The following ASAP3 variants were observed in gnomAD, a reference collection of about 807,000 sequenced individuals.
ASAP3 encodes arf-GAP with SH3 domain, ANK repeat and PH domain-containing protein 3.
A neutral mutation model predicts 118.2 loss-of-function variants in ASAP3; 85 were observed. That is an observed-to-expected ratio of 0.72 (90% confidence interval 0.60 to 0.86). The LOEUF (loss-of-function observed/expected upper bound fraction) is 0.86. ASAP3 is among the 40% of genes least tolerant of loss of function. ASAP3 has a pLI of 0.00. For synonymous variants in ASAP3, 432 were observed against 477.4 expected, an observed-to-expected ratio of 0.90 and a Z score of 1.24; for missense variants, 1,026 against 1,175.0, an observed-to-expected ratio of 0.87 and a Z score of 1.85.
intron 9 of ASAP3, 22 bp from the exon 10 acceptor site, chr1:23,441,233 G>A: frequency 6.2e-7 from 1 of 1,613,672 alleles, no homozygotes; most frequent in Non-Finnish European, 8.5e-7. Flanking sequence ...ACATGCAAAG[G>A]AGACCTCAGG....
intron 5 of ASAP3, among the ~76,000 whole-genome samples, chr1:23,448,294 C>T (rs1233686227): frequency 1.3e-5 from 2 of 152,186 alleles, no homozygotes; most frequent in Admixed American, 6.5e-5. Flanking sequence ...CCTTGAGCCA[C>T]GCTTAGGTGG....
intron 9 of ASAP3, 49 bp downstream of exon 9, chr1:23,441,338 G>C (rs542605560): frequency 6.2e-7 from 1 of 1,608,982 alleles, no homozygotes; most frequent in Admixed American, 1.7e-5. Context: ...CTCCCTCCAC[G>C]GTGGGCCTTG....
rs563984060 is a variant in ASAP3, at chr1:23,433,086, C to T, written c.2314G>A (p.Ala772Thr). The change falls in exon 22 of 25, where the codon GCC becomes ACC. Residue 772 changes from alanine (A) to threonine (T), a missense_variant. Physicochemically the swap from Ala to Thr is moderately conservative, Grantham distance 58 (BLOSUM62 0). Coordinates refer to ENST00000336689, the MANE Select transcript of ASAP3 (RefSeq NM_017707.4). ...GGGCATCCAACTGTACCTCCACTGG[C>T]ATGTCTTGCACACCCTTGGACCAAA... ...RTLVQGCARH[A>T]SGDRSEVSSL... The T allele has an allele frequency of 1.2e-5, 20 of 1,613,934 alleles. No individual in the cohort carries two copies. The highest frequency in any genetic ancestry group is 1.7e-4 in the Middle Eastern group (1 of 6,054).
At chr1:23,468,606 C>T (rs189945583) in intron 1 of ASAP3, among the ~76,000 whole-genome samples, 1 of 152,072 alleles carries the variant, frequency 6.6e-6, no homozygotes, top group Non-Finnish European at 1.5e-5. Context: ...GGTGCGGTGG[C>T]TCACGCCTGT....
intron 17 of ASAP3, among the ~76,000 whole-genome samples, 166 bp from the exon 18 acceptor site, chr1:23,434,784 G>A (rs1243923312): frequency 1.3e-5 from 2 of 152,104 alleles, no homozygotes; most frequent in African/African-American, 2.4e-5. Context: ...GGAGGAAGGT[G>A]AAGGGCCATT....
In ASAP3 at chr1:23,431,944, TA is replaced by T. The variant is rs774492773; in HGVS notation, c.2324-27del. 248 of 1,606,058 alleles carry T rather than the reference TA, an allele frequency of 1.5e-4. 1 individual carries two copies. Among genetic ancestry groups the T allele is most frequent in the Non-Finnish European group, 6.9e-5 (81 of 1,175,512 alleles). On this transcript the variant is annotated intron_variant, in intron 22 of 24. Coordinates refer to ENST00000336689, the MANE Select transcript of ASAP3 (RefSeq NM_017707.4). ...CTGGAATCAGAAACATCAGAAATGATAAAGCTTTTCTTTATCACTTGCTCTG... is the reference window on the plus strand; with the variant it reads ...CTGGAATCAGAAACATCAGAAATGATAAGCTTTTCTTTATCACTTGCTCTG...
chr1:23,471,905 G>C (rs140312757), intron 1 of ASAP3, among the ~76,000 whole-genome samples: 273 of 152,276 alleles, frequency 1.8e-3, no homozygotes, highest in African/African-American at 6.2e-3. Flanking sequence ...TGGTGTGTTT[G>C]TTTTTCCTAT....
chr1:23,443,849 T>C (rs1025359856), intron 5 of ASAP3, among the ~76,000 whole-genome samples: 1 of 151,950 alleles, frequency 6.6e-6, no homozygotes, highest in Non-Finnish European at 1.5e-5. Context: ...GCCTCCCGAG[T>C]AGGTGGGAGT....
chr1:23,470,143 CCTT>C (rs1242255042), intron 1 of ASAP3, among the ~76,000 whole-genome samples: 1 of 152,076 alleles, frequency 6.6e-6, no homozygotes, highest in African/African-American at 2.4e-5. Context: ...GTTCCTTCCT[CCTT>C]CTATGCCTCA....
At chr1:23,454,693 A>T (rs1641329788) in intron 3 of ASAP3, among the ~76,000 whole-genome samples, 1 of 152,218 alleles carries the variant, frequency 6.6e-6, no homozygotes, top group Non-Finnish European at 1.5e-5. Flanking sequence ...TAACAATGAT[A>T]GATTTTATTA....
At chr1:23,434,782 G>A (rs1002692905) in intron 17 of ASAP3, among the ~76,000 whole-genome samples, 164 bp from the exon 18 acceptor site, 2 of 152,078 alleles carry the variant, frequency 1.3e-5, no homozygotes, top group African/African-American at 4.8e-5. Flanking sequence ...TGGGAGGAAG[G>A]TGAAGGGCCA....
rs540710549 is a variant in ASAP3, at chr1:23,468,160, GACCTGGGAACTAA to G, written c.130-11979_130-11967del. ...CCTGAGCTCACACAGCCAAAATGTG[GACCTGGGAACTAA>G]ACCGTTAAGACTCTAACTCCCTTGT... On this transcript the variant is annotated intron_variant, in intron 1 of 24. Transcript: ENST00000336689. Among the ~76,000 whole-genome samples the G allele has an allele frequency of 3.1e-3, 478 of 152,154 alleles. 5 individuals carry two copies. Among genetic ancestry groups the G allele is most frequent in the African/African-American group, 0.011 (440 of 41,496 alleles).
chr1:23,446,556 G>A (rs1050459299), intron 5 of ASAP3, among the ~76,000 whole-genome samples: 2 of 151,128 alleles, frequency 1.3e-5, no homozygotes, highest in Non-Finnish European at 2.9e-5. Context: ...TCCTGCCTCA[G>A]CCTCCCAAGT....
intron 1 of ASAP3, among the ~76,000 whole-genome samples, chr1:23,476,005 C>T (rs373368545): frequency 5.5e-4 from 83 of 151,840 alleles, no homozygotes; most frequent in African/African-American, 2.0e-3. Flanking sequence ...CTCCCCAAAC[C>T]TGTTCCCCTG....
rs1640718944 is a variant in ASAP3 at position 23,437,454 on chromosome 1, A to C, written c.1121T>G (p.Phe374Cys). The change falls in exon 13 of 25, where the codon TTT becomes TGT. Residue 374 changes from phenylalanine (F) to cysteine (C), a missense_variant. Transcript: ENST00000336689. The surrounding 1 kb of genome is among the most constrained non-coding windows in gnomAD (Gnocchi z 6.1). ...ACACTCGTGCTCGTCCTCTGCCTGA[A>C]AGTGGTACGTCCGGTTGTCTGTCGG... ...DLVTHNRTYH[F>C]QAEDEHECEA... The C allele has an allele frequency of 1.2e-6, 2 of 1,613,964 alleles. No homozygotes were observed. Among genetic ancestry groups the C allele is most frequent in the African/African-American group, 2.7e-5 (2 of 74,912 alleles).
intron 1 of ASAP3, among the ~76,000 whole-genome samples, chr1:23,472,247 G>C (rs1047166656): frequency 6.6e-6 from 1 of 152,210 alleles, no homozygotes; most frequent in Non-Finnish European, 1.5e-5. Flanking sequence ...AATTTTACCT[G>C]AATGAGAGGA....
intron 1 of ASAP3, among the ~76,000 whole-genome samples, chr1:23,469,922 A>G (rs539414043): frequency 6.6e-6 from 1 of 152,340 alleles, no homozygotes; most frequent in East Asian, 1.9e-4. Flanking sequence ...AGCCCCAGTT[A>G]TCTCTGTAAG....
chr1:23,477,419 AG>A (rs1324944257), intron 1 of ASAP3, among the ~76,000 whole-genome samples: 3 of 143,086 alleles, frequency 2.1e-5, no homozygotes, highest in Admixed American at 2.1e-4. Context: ...CTTGGTGATG[AG>A]GGGCACACGT....
chr1:23,458,127 G>T (rs952511321), intron 1 of ASAP3, among the ~76,000 whole-genome samples: 1 of 152,148 alleles, frequency 6.6e-6, no homozygotes, highest in Non-Finnish European at 1.5e-5. Flanking sequence ...CCATCCCAGG[G>T]CTGAAGAAAG....
Sources: gnomAD v4.1 joint callset for allele counts (sites outside exome capture counted in the v4.1 genomes callset) on GRCh38, gnomAD v4.1.1 for gene constraint, Gnocchi (gnomAD v3.1) non-coding constraint, MANE v1.5 for transcripts, NCBI Gene and HGNC (gene_info 2026-07-23, HGNC 2026-07-21) for gene names.